The following FAM184A variants were observed in gnomAD, a reference collection of about 807,000 sequenced individuals.
FAM184A encodes the protein protein FAM184A.
In FAM184A, 99 loss-of-function variants were observed where a neutral mutation model predicts 143.8. The observed-to-expected ratio is 0.69, with a 90% CI of 0.58 to 0.81. The LOEUF is 0.81. Among genes scored for constraint, FAM184A ranks in the 40% least tolerant of loss-of-function variants. The pLI, the probability that FAM184A is intolerant of heterozygous loss-of-function variation, is 0.00. For synonymous variants in FAM184A, 427 were observed against 446.4 expected, an observed-to-expected ratio of 0.96 and a Z score of 0.55; for missense variants, 1,217 against 1,310.5, an observed-to-expected ratio of 0.93 and a Z score of 1.10.
chr6:119,123,428 C>G (rs1332447864), intron 1 of FAM184A, among the ~76,000 whole-genome samples: 1 of 152,006 alleles, frequency 6.6e-6, no homozygotes, highest in Non-Finnish European at 1.5e-5. Context: ...AAAACAAAAA[C>G]AGTAGGGGCA....
intron 1 of FAM184A, among the ~76,000 whole-genome samples, chr6:119,128,895 T>G (rs200166302): frequency 0.1 from 15,849 of 152,066 alleles, 987 homozygotes; most frequent in East Asian, 0.26. Context: ...TAGTTTTTTT[T>G]TTTCCGGAGA....
intron 1 of FAM184A, among the ~76,000 whole-genome samples, chr6:119,041,961 A>G (rs1786352756): frequency 6.6e-6 from 1 of 152,168 alleles, no homozygotes; most frequent in African/African-American, 2.4e-5. Flanking sequence ...ACCCCAGGTC[A>G]GAGAACACGA....
rs1233332658 is a variant in FAM184A at position 118,962,032 on chromosome 6, A to G, written c.3139-69T>C. The G allele has an allele frequency of 2.0e-6, 3 of 1,506,808 alleles. No homozygotes were observed. In the African/African-American group the frequency reaches 4.2e-5, roughly 21 times the overall value. The allele number at this position is 1,506,808 out of a possible 1,614,324, so 93.3% of individuals were successfully genotyped here. The stretch of plus-strand genomic sequence containing the variant: ...ACAAATGAGAAAATAGGAATGGTAG[A>G]AGATAGAAATTTGGCATGGGAAAAT... On this transcript the variant is annotated intron_variant, in intron 16 of 17. Transcript: ENST00000338891.
intron 1 of FAM184A, among the ~76,000 whole-genome samples, chr6:119,128,680 G>GC (rs1038141644): frequency 3.9e-5 from 6 of 152,202 alleles, no homozygotes; most frequent in African/African-American, 1.4e-4. Context: ...TAAAACTGAG[G>GC]CCCCCAGTTA....
chr6:118,975,205 T>TG lies in FAM184A; in HGVS notation c.2586_2587insC (p.Lys863GlnfsTer6), dbSNP rs760575053. Reference sequence around the variant, plus strand: ...TCTGTAATTCTACATATGTGCTCCTTACTCTGTTAAAAAAAAAAAGTCATT... The same window carrying TG: ...TCTGTAATTCTACATATGTGCTCCTTGACTCTGTTAAAAAAAAAAAGTCATT... On this transcript the variant is annotated frameshift_variant, in exon 13 of 18. Coordinates refer to ENST00000338891, the MANE Select transcript of FAM184A (RefSeq NM_024581.6). LOFTEE classifies it high-confidence loss of function. The TG allele has an allele frequency of 1.2e-5, 19 of 1,533,100 alleles. No homozygotes were observed. Among genetic ancestry groups the TG allele is most frequent in the Non-Finnish European group, 1.6e-5 (18 of 1,143,590 alleles). 95.0% of individuals were successfully genotyped at this position (1,533,100 alleles called of 1,614,324 possible). A position where few individuals can be genotyped will look rare whatever the true frequency, so the allele number is the denominator to read the frequency against.
intron 11 of FAM184A, among the ~76,000 whole-genome samples, chr6:118,978,048 C>T (rs575062136): frequency 1.6e-4 from 25 of 152,224 alleles, no homozygotes; most frequent in African/African-American, 5.5e-4. Context: ...ACTGCAAACT[C>T]GACCTTCCAG....
chr6:119,135,291 A>G (rs565203694), intron 1 of FAM184A, among the ~76,000 whole-genome samples: 1 of 152,292 alleles, frequency 6.6e-6, no homozygotes, highest in South Asian at 2.1e-4. Flanking sequence ...AGAAAAGAGA[A>G]TGGTCAATAC....
chr6:119,077,570 A>C (rs1247311105), intron 1 of FAM184A, among the ~76,000 whole-genome samples: 1 of 152,230 alleles, frequency 6.6e-6, no homozygotes, highest in Non-Finnish European at 1.5e-5. Context: ...ATTGAACTAG[A>C]TGCAGGCACA....
At chr6:118,995,212 T>C (rs750892527) in intron 9 of FAM184A, among the ~76,000 whole-genome samples, 1 of 152,004 alleles carries the variant, frequency 6.6e-6, no homozygotes, top group Non-Finnish European at 1.5e-5. Flanking sequence ...AGCCCAGGAG[T>C]TCGAGACCAG....
At chr6:119,025,989 C>T (rs1017034242) in intron 1 of FAM184A, among the ~76,000 whole-genome samples, 5 of 152,154 alleles carry the variant, frequency 3.3e-5, no homozygotes, top group African/African-American at 4.8e-5. Flanking sequence ...AGATCCCACT[C>T]GCTAAAGATA....
chr6:119,021,085 T>C, intron 3 of FAM184A, among the ~76,000 whole-genome samples: 1 of 152,170 alleles, frequency 6.6e-6, no homozygotes, highest in South Asian at 2.1e-4. Context: ...GGAACTCTGG[T>C]TAGAAATGTG....
In FAM184A at chr6:118,960,106, G is replaced by C; in HGVS notation, c.3420C>G (p.Phe1140Leu). 4 of 1,612,618 alleles carry C rather than the reference G, an allele frequency of 2.5e-6. No homozygotes were observed. The highest frequency in any genetic ancestry group is 3.4e-6 in the Non-Finnish European group (4 of 1,178,948). The change falls in exon 18 of 18, where the codon TTC becomes TTG. Residue 1140 changes from phenylalanine to leucine, a missense_variant. Physicochemically the swap from Phe to Leu is conservative, Grantham distance 22. Transcript: ENST00000338891. The stretch of plus-strand genomic sequence containing the variant: ...GAGCTGTGCCAACACAATTCTTTCA[G>C]AATGTGAAGTACCGGGCAAACCACT... ...RQEWFARYFT[F>L]
chr6:119,118,385 G>C (rs544220910), intron 1 of FAM184A, among the ~76,000 whole-genome samples: 1 of 152,192 alleles, frequency 6.6e-6, no homozygotes, highest in Non-Finnish European at 1.5e-5. Context: ...CTCAATAATA[G>C]TTACCTTTAT....
chr6:119,113,478 C>T (rs1788982961), intron 1 of FAM184A, among the ~76,000 whole-genome samples: 1 of 150,934 alleles, frequency 6.6e-6, no homozygotes, highest in African/African-American at 2.4e-5. Context: ...CCTCACCACC[C>T]CTAATCATGC....
chr6:119,050,668 C>T (rs1010724328), intron 1 of FAM184A, among the ~76,000 whole-genome samples: 2 of 151,910 alleles, frequency 1.3e-5, no homozygotes, highest in African/African-American at 4.8e-5. Flanking sequence ...TAGCCGGGCG[C>T]GGTGGCGGGC....
intron 9 of FAM184A, among the ~76,000 whole-genome samples, chr6:118,992,773 AAAAC>A (rs1784418928): frequency 6.6e-6 from 1 of 152,172 alleles, no homozygotes; most frequent in Non-Finnish European, 1.5e-5. Context: ...CAAAAAAACA[AAAAC>A]AAAATTAGCT....
At chr6:119,033,990 CAAAAAAAAAAAAAAA>C (rs59719185) in intron 1 of FAM184A, among the ~76,000 whole-genome samples, 1 of 17,388 alleles carries the variant, frequency 5.8e-5, no homozygotes, top group African/African-American at 2.6e-4. Flanking sequence ...GACTCTGTCT[CAAAAAAAAAAAAAAA>C]AAAAAAAAAA....
intron 15 of FAM184A, 35 bp from the exon 16 acceptor site, chr6:118,964,806 T>A (rs1562453045): frequency 8.8e-7 from 1 of 1,131,044 alleles, no homozygotes; most frequent in East Asian, 2.5e-5. Context: ...TTTTAAATAT[T>A]TTCTATGGAA....
intron 1 of FAM184A, among the ~76,000 whole-genome samples, chr6:119,144,567 A>G (rs1163219400): frequency 6.6e-6 from 1 of 152,212 alleles, no homozygotes; most frequent in African/African-American, 2.4e-5. Context: ...TGAGACTGAC[A>G]GTGCTAGGTT....
Sources: allele counts gnomAD v4.1 joint callset (sites outside exome capture counted in the v4.1 genomes callset), GRCh38; gene constraint gnomAD v4.1.1; transcripts MANE v1.5; gene names NCBI Gene and HGNC (gene_info 2026-07-23, HGNC 2026-07-21).